PRKN: variants seen among roughly 807,000 people sequenced by gnomAD.
PRKN encodes parkin RBR E3 ubiquitin protein ligase, also known as E3 ubiquitin-protein ligase parkin.
PRKN carries 56 observed loss-of-function variants against 59.5 expected under a neutral mutation model. The observed-to-expected ratio is 0.94, with a 90% CI of 0.76 to 1.18. The LOEUF (loss-of-function observed/expected upper bound fraction) is 1.18. PRKN is among the 50% of genes most tolerant of loss of function. The pLI, the probability that PRKN is intolerant of heterozygous loss-of-function variation, is 0.00. For synonymous variants in PRKN, 250 were observed against 222.1 expected (o/e 1.13, Z -1.12); for missense variants, 657 against 596.4 (o/e 1.10, Z -1.06).
intron 1 of PRKN, among the ~76,000 whole-genome samples, chr6:162,668,107 T>C (rs1035633954): frequency 1.3e-5 from 2 of 152,178 alleles, no homozygotes; most frequent in African/African-American, 4.8e-5. Flanking sequence ...TTTGAACCAT[T>C]AGAGTAATAA....
Position 161,508,026 on chromosome 6 carries a change from T to C in PRKN, c.1083+40828A>G, listed in dbSNP as rs1778239585. On this transcript the variant is annotated intron_variant, in intron 9 of 11. Transcript: ENST00000366898. ...TGGTAGTGAAGTTTCTGATAAAACGTATCCAGGGAAACACGTTGCTAATAG... is the reference window on the plus strand; with the variant it reads ...TGGTAGTGAAGTTTCTGATAAAACGCATCCAGGGAAACACGTTGCTAATAG... Among the ~76,000 whole-genome samples the C allele has an allele frequency of 2.6e-5, 4 of 152,218 alleles. No individual in the cohort carries two copies. In the South Asian group the frequency reaches 6.2e-4, roughly 24 times the overall value.
intron 1 of PRKN, among the ~76,000 whole-genome samples, chr6:162,484,752 C>G (rs758766953): frequency 2.0e-5 from 3 of 152,188 alleles, no homozygotes; most frequent in Non-Finnish European, 1.5e-5. Context: ...ATGTATAACA[C>G]TGTGACTATC....
chr6:162,556,370 T>TGCGTGTGC (rs1562382067), intron 1 of PRKN, among the ~76,000 whole-genome samples: 21 of 99,298 alleles, frequency 2.1e-4, no homozygotes, highest in African/African-American at 5.2e-4. Context: ...TGTGTGTGTG[T>TGCGTGTGC]GTGTGTGTGT....
intron 9 of PRKN, among the ~76,000 whole-genome samples, chr6:161,507,521 T>A (rs2115321515): frequency 6.6e-6 from 1 of 152,278 alleles, no homozygotes; most frequent in South Asian, 2.1e-4. Context: ...TCTCTTTTGC[T>A]AACTAGCATT....
chr6:162,126,363 C>T (rs1188477971), intron 4 of PRKN, among the ~76,000 whole-genome samples: 2 of 152,112 alleles, frequency 1.3e-5, no homozygotes, highest in South Asian at 2.1e-4. Context: ...TTTTCTAAAG[C>T]CCTCAAGGAT....
At chr6:161,865,902 G>A (rs1004191664) in intron 6 of PRKN, among the ~76,000 whole-genome samples, 11 of 152,180 alleles carry the variant, frequency 7.2e-5, no homozygotes, top group African/African-American at 2.4e-4. Flanking sequence ...TGGAGCAAGA[G>A]GCCTAGTTTT....
In PRKN at chr6:161,454,401, C is replaced by A. The variant is rs1210677363; in HGVS notation, c.1084-67524G>T. 1.3e-5 allele frequency among the ~76,000 whole-genome samples: 2 copies of A among 152,114 alleles called. No homozygotes were observed. Among genetic ancestry groups the A allele is most frequent in the African/African-American group, 2.4e-5 (1 of 41,412 alleles). On this transcript the variant is annotated intron_variant, in intron 9 of 11. Transcript: ENST00000366898. This position sits in a 1 kb window ranked among gnomAD's most constrained non-coding sequence, Gnocchi z 4.6. ...TGGGGTTAGGGTGGCTTTGGGAAAC[C>A]CTTGACTGCTTGAGGAATCCTTTCC...
At chr6:162,640,773 T>G (rs978139362) in intron 1 of PRKN, among the ~76,000 whole-genome samples, 3 of 152,166 alleles carry the variant, frequency 2.0e-5, no homozygotes, top group Non-Finnish European at 2.9e-5. Context: ...GACAATTCCC[T>G]GAAGGGGCAA....
chr6:162,140,081 G>A (rs1424474464), intron 4 of PRKN, among the ~76,000 whole-genome samples: 2 of 152,166 alleles, frequency 1.3e-5, no homozygotes, highest in Non-Finnish European at 2.9e-5. Flanking sequence ...AAATAGTTCT[G>A]TGAAAACAGT....
intron 7 of PRKN, among the ~76,000 whole-genome samples, chr6:161,605,705 T>TC (rs1473843994): frequency 6.6e-6 from 1 of 152,074 alleles, no homozygotes; most frequent in East Asian, 1.9e-4. Context: ...AGATGGGGTT[T>TC]CCCCACGTTG....
At position 161,401,290 on chromosome 6, in the gene PRKN, T is replaced by C. The variant is rs1205718703; in HGVS notation, c.1084-14413A>G. ...GATCCACCCTACCAAAGGCCAGTCT[T>C]GCTTTAGCACCAAAGAATTAATTTT... On this transcript the variant is annotated intron_variant, in intron 9 of 11. Coordinates refer to ENST00000366898, the MANE Select transcript of PRKN (RefSeq NM_004562.3). The surrounding 1 kb of genome is among the most constrained non-coding windows in gnomAD (Gnocchi z 4.4). Among the ~76,000 whole-genome samples the C allele has an allele frequency of 2.0e-5, 3 of 152,122 alleles. No individual in the cohort carries two copies. The highest frequency in any genetic ancestry group is 4.4e-5 in the Non-Finnish European group (3 of 68,026).
intron 4 of PRKN, among the ~76,000 whole-genome samples, chr6:162,186,012 C>A (rs186932184): frequency 6.6e-6 from 1 of 152,074 alleles, no homozygotes; most frequent in East Asian, 1.9e-4. Flanking sequence ...CCACCTCACA[C>A]TGTTCCTTTG....
chr6:162,655,734 C>G (rs1778619761), intron 1 of PRKN, among the ~76,000 whole-genome samples: 3 of 152,154 alleles, frequency 2.0e-5, no homozygotes, highest in Admixed American at 1.3e-4. Context: ...CTTGGGTCAT[C>G]ATTAACTGTA....
chr6:161,939,475 T>C (rs1433066241), intron 6 of PRKN, among the ~76,000 whole-genome samples: 3 of 145,506 alleles, frequency 2.1e-5, no homozygotes, highest in South Asian at 2.2e-4. Flanking sequence ...CTCACACTTG[T>C]AATCCCAGCA....
intron 9 of PRKN, among the ~76,000 whole-genome samples, chr6:161,519,264 C>A (rs917376200): frequency 6.6e-6 from 1 of 152,100 alleles, no homozygotes; most frequent in Admixed American, 6.5e-5. Context: ...CCTTTAAATA[C>A]CTCTGGCAGG....
chr6:162,213,840 CACACACACACACACACACAT>C (rs1461131210), intron 3 of PRKN, among the ~76,000 whole-genome samples: 14 of 118,254 alleles, frequency 1.2e-4, no homozygotes, highest in African/African-American at 3.6e-4. Context: ...CACACACACA[CACACACACACACACACACAT>C]ATGAATAGTA....
At chr6:162,725,178 C>T (rs904562838) in intron 1 of PRKN, among the ~76,000 whole-genome samples, 1 of 152,190 alleles carries the variant, frequency 6.6e-6, no homozygotes, top group African/African-American at 2.4e-5. Context: ...CTCATACTCC[C>T]GAATCCCGCA....
intron 2 of PRKN, among the ~76,000 whole-genome samples, chr6:162,390,468 G>A (rs935034551): frequency 6.0e-5 from 9 of 149,862 alleles, no homozygotes; most frequent in South Asian, 2.1e-4. Context: ...TTGAGACAGA[G>A]TCTCGTTCTG....
intron 4 of PRKN, among the ~76,000 whole-genome samples, chr6:162,092,257 A>G (rs1166954423): frequency 6.6e-6 from 1 of 152,168 alleles, no homozygotes; most frequent in African/African-American, 2.4e-5. Context: ...CGGGAGGCTG[A>G]GGCAGGAGAA....
Sources: gnomAD v4.1 joint callset for allele counts (sites outside exome capture counted in the v4.1 genomes callset) on GRCh38, gnomAD v4.1.1 for gene constraint, Gnocchi (gnomAD v3.1) non-coding constraint, MANE v1.5 for transcripts, NCBI Gene and HGNC (gene_info 2026-07-23, HGNC 2026-07-21) for gene names.